SLC13A5: variants seen among roughly 807,000 people sequenced by gnomAD.
SLC13A5 encodes solute carrier family 13 member 5, also known as Na(+)/citrate cotransporter.
A neutral mutation model predicts 56.5 loss-of-function variants in SLC13A5; 25 were observed. The observed-to-expected ratio is 0.44, with a 90% CI of 0.32 to 0.62. The LOEUF (loss-of-function observed/expected upper bound fraction) is 0.62. SLC13A5 is among the 20% of genes least tolerant of loss of function. SLC13A5 has a pLI of 0.04. For missense variants in SLC13A5, 649 were observed against 737.8 expected, an observed-to-expected ratio of 0.88 and a Z score of 1.39; for synonymous variants, 307 against 301.5, an observed-to-expected ratio of 1.02 and a Z score of -0.19.
intron 5 of SLC13A5, among the ~76,000 whole-genome samples, chr17:6,702,539 C>A (rs1294036870): frequency 6.6e-6 from 1 of 152,206 alleles, no homozygotes; most frequent in Non-Finnish European, 1.5e-5. Flanking sequence ...AAGCAGTGAG[C>A]AAAGGGAGTG....
At position 6,692,278 on chromosome 17, in the gene SLC13A5, CGGAT is replaced by C. The variant is rs1973434699; in HGVS notation, c.1275+762_1275+765del. 1.6e-5 allele frequency among the ~76,000 whole-genome samples: 2 copies of C among 123,978 alleles called. No individual in the cohort carries two copies. The highest frequency in any genetic ancestry group is 2.2e-4 in the East Asian group (1 of 4,528). The allele number at this position is 123,978 out of a possible 152,430, so 81.3% of individuals were successfully genotyped here. Reference sequence around the variant, plus strand: ...ATGGATGGATGGATGGATGGATGGACGGATGGACGGACGGATGGATGGATGAAGA... The same window carrying C: ...ATGGATGGATGGATGGATGGATGGACGGACGGACGGATGGATGGATGAAGA... On this transcript the variant is annotated intron_variant, in intron 9 of 11. Coordinates refer to ENST00000433363, the MANE Select transcript of SLC13A5 (RefSeq NM_177550.5). The surrounding 1 kb of genome is among the most constrained non-coding windows in gnomAD (Gnocchi z 5.5).
At chr17:6,702,147 C>A (rs73352795) in intron 5 of SLC13A5, among the ~76,000 whole-genome samples, 19,183 of 152,228 alleles carry the variant, frequency 0.13, 1,637 homozygotes, top group Admixed American at 0.27. Flanking sequence ...AGCTCCTGCG[C>A]CCACTGCCCT....
At position 6,703,117 on chromosome 17, in the gene SLC13A5, C is replaced by A. The variant is rs766313348; in HGVS notation, c.569G>T (p.Gly190Val). Residue 190 changes from glycine to valine, a missense_variant, in exon 5 of 12, where the codon GGC (glycine) becomes GTC (valine). By Grantham distance (109) the Gly-to-Val change is moderately radical. Transcript: ENST00000433363. ...GTCTTCCTGCTGCCCCAGAGTGGGG[C>A]CTTCAAAAATCACTTGACTCCCTGT... is the stretch of plus-strand genomic sequence containing the variant. ...ELPGSQVIFE[G>V]PTLGQQEDQE... 4 of 1,614,122 alleles carry A rather than the reference C, an allele frequency of 2.5e-6. No homozygotes were observed. Among genetic ancestry groups the A allele is most frequent in the South Asian group, 2.2e-5 (2 of 91,088 alleles).
intron 11 of SLC13A5, chr17:6,686,996 C>T (rs1174970362): frequency 6.2e-6 from 1 of 161,022 alleles, no homozygotes; most frequent in Non-Finnish European, 1.3e-5. Flanking sequence ...TGCAAAGCTG[C>T]CCTTCTCCCA....
Position 6,685,814 on chromosome 17 carries a change from G to C in SLC13A5, c.*393C>G, listed in dbSNP as rs967804494. The C allele has an allele frequency of 5.4e-6, 1 of 186,186 alleles. No individual in the cohort carries two copies. The highest frequency in any genetic ancestry group is 1.1e-5 in the Non-Finnish European group (1 of 87,600). 11.5% of individuals were successfully genotyped at this position (186,186 alleles called of 1,614,324 possible). A position where few individuals can be genotyped will look rare whatever the true frequency, so the allele number is the denominator to read the frequency against. ...TGGTTGTCTTAGCTCTCAACCAGGG[G>C]ATCCGATTCCCATTTAAACTATCTA... On this transcript the variant is annotated 3_prime_UTR_variant, in exon 12 of 12. Coordinates refer to ENST00000433363, the MANE Select transcript of SLC13A5 (RefSeq NM_177550.5). The surrounding 1 kb of genome is among the most constrained non-coding windows in gnomAD (Gnocchi z 4.2).
intron 2 of SLC13A5, 21 bp from the exon 3 acceptor site, chr17:6,706,799 C>T (rs376615280): frequency 2.5e-6 from 4 of 1,613,112 alleles, no homozygotes; most frequent in Non-Finnish European, 3.4e-6. Flanking sequence ...GCACGAAGGC[C>T]TCATCAGGAC....
rs142320179 is a variant in SLC13A5, at chr17:6,703,085, G to A, written c.601C>T (p.Arg201Trp). The change falls in exon 5 of 12, where the codon CGG (arginine) becomes TGG (tryptophan). Residue 201 changes from arginine (R) to tryptophan (W), a missense_variant. Arg to Trp is a moderately radical substitution (Grantham distance 101). Coordinates refer to ENST00000433363, the MANE Select transcript of SLC13A5 (RefSeq NM_177550.5). ...GTCATGGCCTTACACAACCTCTTCC[G>A]CTCTTGGTCTTCCTGCTGCCCCAGA... ...PTLGQQEDQE[R>W]KRLCKAMTLC... 6.3e-5 allele frequency: 102 copies of A among 1,614,158 alleles called. No individual in the cohort carries two copies. The East Asian group carries it at 9.4e-4, about 15-fold the overall frequency.
chr17:6,703,936 G>A lies in SLC13A5; in HGVS notation c.489C>T (p.Ser163=), dbSNP rs372231184. Residue 163 remains serine, a synonymous_variant, in exon 4 of 12, where the codon AGC becomes AGT. Coordinates refer to ENST00000433363, the MANE Select transcript of SLC13A5 (RefSeq NM_177550.5). ...GCTCCAGGCCGGCCTCGGTGGCTGC[G>A]CTTGTGGCTTCCATCTGCTGCAATA... ...EAILQQMEAT[S]AATEAGLELV... is the part of the protein sequence containing the mutation. 2.2e-5 allele frequency: 35 copies of A among 1,605,348 alleles called. No homozygotes were observed. The highest frequency in any genetic ancestry group is 1.1e-4 in the African/African-American group (8 of 74,760).
chr17:6,697,108 ACT>A (rs1459936760), intron 6 of SLC13A5, among the ~76,000 whole-genome samples: 8 of 152,144 alleles, frequency 5.3e-5, no homozygotes, highest in African/African-American at 1.7e-4. Context: ...CGCTAGGGAC[ACT>A]CTCTAGACAT....
chr17:6,704,483 G>T, intron 3 of SLC13A5: 1 of 339,396 alleles, frequency 2.9e-6, no homozygotes, highest in Non-Finnish European at 5.9e-6. Context: ...TTCTGGCTAG[G>T]AAATTCCCAC....
chr17:6,693,210 C>CAA, intron 8 of SLC13A5, 48 bp from the exon 9 acceptor site: 1 of 960,664 alleles, frequency 1.0e-6, no homozygotes, highest in African/African-American at 1.6e-5. Flanking sequence ...CACACACACA[C>CAA]ACACACACAC....
At chr17:6,689,599 A>C (rs1302403362) in intron 10 of SLC13A5, 1 of 152,252 alleles carries the variant, frequency 6.6e-6, no homozygotes, top group African/African-American at 2.4e-5. Flanking sequence ...CCAGTATCAA[A>C]AGGTGCTCCT....
intron 3 of SLC13A5, chr17:6,704,506 T>G: frequency 3.0e-6 from 1 of 336,444 alleles, no homozygotes; most frequent in Non-Finnish European, 5.9e-6. Context: ...ACCCCCAAAC[T>G]CTGTTGCACC....
intron 6 of SLC13A5, among the ~76,000 whole-genome samples, chr17:6,698,951 G>C (rs1246517441): frequency 1.3e-5 from 2 of 151,622 alleles, no homozygotes; most frequent in Non-Finnish European, 2.9e-5. Flanking sequence ...CTGAGGCAGG[G>C]GGAATTGCTT....
Position 6,706,622 on chromosome 17 carries a change from G to C in SLC13A5, c.368+20C>G, listed in dbSNP as rs1474871633. On this transcript the variant is annotated intron_variant, in intron 3 of 11. Coordinates refer to ENST00000433363, the MANE Select transcript of SLC13A5 (RefSeq NM_177550.5). The stretch of plus-strand genomic sequence containing the variant: ...GGGCTCATGCAGAGCCACGTGGCAA[G>C]AGAGAGAAGGCGTAATTACCGTGCA... 1.2e-6 allele frequency: 2 copies of C among 1,611,386 alleles called. No individual in the cohort carries two copies. The highest frequency in any genetic ancestry group is 1.7e-5 in the Admixed American group (1 of 59,844).
At position 6,711,620 on chromosome 17, in the gene SLC13A5, GTGTT is replaced by G. The variant is rs575263280; in HGVS notation, c.102+1608_102+1611del. Among the ~76,000 whole-genome samples, 114 of 150,478 alleles carry G rather than the reference GTGTT, an allele frequency of 7.6e-4. No individual in the cohort carries two copies. Among genetic ancestry groups the G allele is most frequent in the Non-Finnish European group, 1.3e-3 (89 of 67,496 alleles). On this transcript the variant is annotated intron_variant, in intron 1 of 11. Coordinates refer to ENST00000433363, the MANE Select transcript of SLC13A5 (RefSeq NM_177550.5). The surrounding 1 kb of genome is among the most constrained non-coding windows in gnomAD (Gnocchi z 4.0). ...TGTGTTTGTGCGTGTGTTTTTGTGT[GTGTT>G]TGTGTTTGTGCGTGTGTTTTGTGTG...
chr17:6,690,997 G>C (rs866967390), intron 9 of SLC13A5, 57 bp from the exon 10 acceptor site: 11 of 1,552,440 alleles, frequency 7.1e-6, no homozygotes, highest in Middle Eastern at 2.2e-4. Flanking sequence ...GTTCCTTCAG[G>C]GCCAGGGCAA....
Position 6,687,423 on chromosome 17 carries a change from C to A in SLC13A5, c.1575+106G>T. ...CAGGTCTGGATGTTCCGTGGCATTC[C>A]CAAGTCACATGACATCGTTTTGAAA... On this transcript the variant is annotated intron_variant, in intron 11 of 11. Transcript: ENST00000433363. This position sits in a 1 kb window ranked among gnomAD's most constrained non-coding sequence, Gnocchi z 5.0. 1 of 1,514,560 alleles carries A rather than the reference C, an allele frequency of 6.6e-7. No homozygotes were observed. The highest frequency in any genetic ancestry group is 1.2e-5 in the South Asian group (1 of 84,416). The allele number at this position is 1,514,560 out of a possible 1,614,324, so 93.8% of individuals were successfully genotyped here. A position where few individuals can be genotyped will look rare whatever the true frequency, so the allele number is the denominator to read the frequency against.
intron 6 of SLC13A5, among the ~76,000 whole-genome samples, chr17:6,696,310 T>G (rs1252556183): frequency 5.9e-5 from 9 of 152,208 alleles, no homozygotes; most frequent in African/African-American, 2.2e-4. Context: ...AGCCTGGAGC[T>G]GCCTTCGATG....
Sources: allele counts gnomAD v4.1 joint callset (sites outside exome capture counted in the v4.1 genomes callset), GRCh38; gene constraint gnomAD v4.1.1; non-coding constraint Gnocchi (gnomAD v3.1); transcripts MANE v1.5; gene names NCBI Gene and HGNC (gene_info 2026-07-23, HGNC 2026-07-21).